The following CELF4 variants were observed in gnomAD, a reference collection of about 807,000 sequenced individuals.
CELF4 encodes CUGBP Elav-like family member 4.
CELF4 carries 18 observed loss-of-function variants against 59.9 expected under a neutral mutation model. The observed-to-expected ratio is 0.30, with a 90% CI of 0.21 to 0.45. The LOEUF (loss-of-function observed/expected upper bound fraction) is 0.45, where lower values mean the gene tolerates loss of function less well. Ranked by LOEUF, CELF4 falls within the 20% of genes least tolerant of loss-of-function variation. CELF4 has a pLI of 1.00. For missense variants in CELF4, 456 were observed against 689.0 expected, an observed-to-expected ratio of 0.66 and a Z score of 3.79; for synonymous variants, 261 against 267.1, an observed-to-expected ratio of 0.98 and a Z score of 0.22.
chr18:37,484,301 G>A (rs533489106), intron 2 of CELF4, among the ~76,000 whole-genome samples: 3 of 152,120 alleles, frequency 2.0e-5, no homozygotes. Context: ...GGCGATGTGA[G>A]GCATATTTCT....
intron 3 of CELF4, among the ~76,000 whole-genome samples, chr18:37,295,517 G>T (rs2095586501): frequency 6.6e-6 from 1 of 152,176 alleles, no homozygotes; most frequent in South Asian, 2.1e-4. Flanking sequence ...TGCCAAGAGG[G>T]CTCAGAGCAT....
rs952978240 is a variant in CELF4 at position 37,519,262 on chromosome 18, G to A, written c.287-33655C>T. Among the ~76,000 whole-genome samples, 7 of 152,316 alleles carry A rather than the reference G, an allele frequency of 4.6e-5. No homozygotes were observed. In the East Asian group the frequency reaches 1.4e-3, roughly 29 times the overall value. On this transcript the variant is annotated intron_variant, in intron 1 of 12. Coordinates refer to ENST00000420428, the MANE Select transcript of CELF4 (RefSeq NM_020180.4). Reference sequence around the variant, plus strand: ...GGGAAGAAGCTGTCCCTAGAGAGGTGTGGGGGTGAGCTGGGGGGTCCTGAG... The same window carrying A: ...GGGAAGAAGCTGTCCCTAGAGAGGTATGGGGGTGAGCTGGGGGGTCCTGAG...
intron 2 of CELF4, among the ~76,000 whole-genome samples, chr18:37,349,611 G>A (rs1304865513): frequency 1.3e-5 from 2 of 152,214 alleles, no homozygotes; most frequent in African/African-American, 4.8e-5. Flanking sequence ...CCAAGCGCTA[G>A]GGTGTATCTG....
intron 2 of CELF4, among the ~76,000 whole-genome samples, chr18:37,347,778 C>A (rs2098317513): frequency 6.6e-6 from 1 of 152,144 alleles, no homozygotes; most frequent in Admixed American, 6.5e-5. Context: ...GGGGTTGCAG[C>A]AGGTGAGAGG....
chr18:37,492,386 A>G (rs2099908810), intron 1 of CELF4, among the ~76,000 whole-genome samples: 2 of 152,186 alleles, frequency 1.3e-5, no homozygotes, highest in Admixed American at 1.3e-4. Context: ...GGAAGATTTA[A>G]AAAACATGCA....
chr18:37,379,580 T>A (rs1221480221), intron 2 of CELF4, among the ~76,000 whole-genome samples: 3 of 142,822 alleles, frequency 2.1e-5, no homozygotes, highest in Non-Finnish European at 4.5e-5. Context: ...TGGGGTCCCA[T>A]GGAAGCCAGA....
intron 1 of CELF4, among the ~76,000 whole-genome samples, chr18:37,504,864 C>T (rs1021800024): frequency 2.0e-5 from 3 of 152,224 alleles, no homozygotes; most frequent in Non-Finnish European, 2.9e-5. Flanking sequence ...GAGTAAGTCT[C>T]AGCATCTGGC....
chr18:37,513,357 C>T (rs889219474), intron 1 of CELF4, among the ~76,000 whole-genome samples: 1 of 152,160 alleles, frequency 6.6e-6, no homozygotes, highest in Non-Finnish European at 1.5e-5. Flanking sequence ...GGATGGACTC[C>T]CAGGCACAGT....
In CELF4 at chr18:37,244,212, G is replaced by C. The variant is rs546495277; in HGVS notation, c.*1030C>G. On this transcript the variant is annotated 3_prime_UTR_variant, in exon 13 of 13. Transcript: ENST00000420428. Reference sequence around the variant, plus strand: ...CCTCTAATTTTTCTTCTATTATATAGGTATTTTAAACTTTTCCTTTTTAAA... The same window carrying C: ...CCTCTAATTTTTCTTCTATTATATACGTATTTTAAACTTTTCCTTTTTAAA... 2 of 143,108 alleles carry C rather than the reference G, an allele frequency of 1.4e-5. No homozygotes were observed. The highest frequency in any genetic ancestry group is 7.0e-5 in the Admixed American group (1 of 14,290). 8.9% of individuals were successfully genotyped at this position (143,108 alleles called of 1,614,324 possible). A position where few individuals can be genotyped will look rare whatever the true frequency, so the allele number is the denominator to read the frequency against.
At chr18:37,482,576 G>T (rs542872322) in intron 2 of CELF4, among the ~76,000 whole-genome samples, 1 of 152,298 alleles carries the variant, frequency 6.6e-6, no homozygotes, top group Non-Finnish European at 1.5e-5. Context: ...TGGGAATCAC[G>T]TATCACTGAT....
At chr18:37,501,424 G>A (rs2099931763) in intron 1 of CELF4, among the ~76,000 whole-genome samples, 1 of 152,236 alleles carries the variant, frequency 6.6e-6, no homozygotes, top group Non-Finnish European at 1.5e-5. Context: ...AGCCCTCTGG[G>A]GCCTGCGGGT....
At chr18:37,271,254 C>CTTTTTTT (rs34833771) in intron 7 of CELF4, among the ~76,000 whole-genome samples, 296 of 105,590 alleles carry the variant, frequency 2.8e-3, no homozygotes, top group African/African-American at 3.4e-3. Flanking sequence ...TCCTTCAGTC[C>CTTTTTTT]TTTTTTTTTT....
Position 37,565,558 on chromosome 18 carries a change from G to A in CELF4, c.84C>T (p.Gly28=), listed in dbSNP as rs147664517. ...TTAATCCGTTCATGTGCCCGGCACT[G>A]CCCGGGCTGCTGCCGAGCCCGTTGG... is the stretch of plus-strand genomic sequence containing the variant. The part of the protein sequence containing the change: ...LSTNGLGSSP[G]SAGHMNGLSH... Residue 28 remains glycine, a synonymous_variant, in exon 1 of 13, where the codon GGC becomes GGT. Transcript: ENST00000420428. 8.1e-6 allele frequency: 13 copies of A among 1,613,976 alleles called. No homozygotes were observed. The highest frequency in any genetic ancestry group is 1.0e-5 in the Non-Finnish European group (12 of 1,179,980).
intron 3 of CELF4, among the ~76,000 whole-genome samples, chr18:37,282,374 C>T (rs546394896): frequency 6.6e-6 from 1 of 152,288 alleles, no homozygotes; most frequent in African/African-American, 2.4e-5. Flanking sequence ...ACAGACATTT[C>T]CCCTAAAGGT....
chr18:37,371,082 C>T (rs1194871378), intron 2 of CELF4, among the ~76,000 whole-genome samples: 2 of 152,152 alleles, frequency 1.3e-5, no homozygotes, highest in Non-Finnish European at 2.9e-5. Flanking sequence ...AGATCCTCAG[C>T]CCCGAGCCTT....
intron 2 of CELF4, among the ~76,000 whole-genome samples, chr18:37,463,619 C>T (rs749974189): frequency 3.0e-4 from 46 of 152,082 alleles, no homozygotes; most frequent in Non-Finnish European, 1.2e-4. Context: ...CTGGACCCTA[C>T]GATGCCAGCC....
chr18:37,316,604 A>C (rs2096877042), intron 3 of CELF4, among the ~76,000 whole-genome samples: 1 of 151,706 alleles, frequency 6.6e-6, no homozygotes, highest in South Asian at 2.1e-4. Context: ...CCCCATTTTA[A>C]CTTTGTGTCC....
intron 2 of CELF4, among the ~76,000 whole-genome samples, chr18:37,374,628 G>A (rs141923241): frequency 3.8e-3 from 579 of 152,314 alleles, no homozygotes; most frequent in Non-Finnish European, 6.5e-3. Context: ...GCACTCCCAG[G>A]CACTCTGGAA....
chr18:37,342,000 C>A lies in CELF4; in HGVS notation c.370-20119G>T, dbSNP rs116696719. ...TCTGTAAATGGATGTCTGCAGGTTG[C>A]ATGTCTGTGGTGCTTGGTGTTGTGT... On this transcript the variant is annotated intron_variant, in intron 2 of 12. Coordinates refer to ENST00000420428, the MANE Select transcript of CELF4 (RefSeq NM_020180.4). Among the ~76,000 whole-genome samples, 450 of 152,232 alleles carry A rather than the reference C, an allele frequency of 3.0e-3. 2 individuals carry two copies. The highest frequency in any genetic ancestry group is 0.01 in the African/African-American group (433 of 41,536).
Sources: gnomAD v4.1 joint callset for allele counts (sites outside exome capture counted in the v4.1 genomes callset) on GRCh38, gnomAD v4.1.1 for gene constraint, MANE v1.5 for transcripts, NCBI Gene and HGNC (gene_info 2026-07-23, HGNC 2026-07-21) for gene names.